Variants in ATP2B2 observed in about 807,000 individuals in gnomAD.
ATP2B2 encodes ATPase plasma membrane Ca2+ transporting 2.
Under a neutral mutation model 120.0 loss-of-function variants are expected in ATP2B2, and 15 were observed. That is an observed-to-expected ratio of 0.12 (90% CI 0.08 to 0.19). The LOEUF (loss-of-function observed/expected upper bound fraction) is 0.19. Ranked by LOEUF, ATP2B2 falls within the 10% of genes least tolerant of loss-of-function variation. The pLI, the probability that ATP2B2 is intolerant of heterozygous loss-of-function variation, is 1.00. For missense variants in ATP2B2, 1,045 were observed against 1,719.8 expected (o/e 0.61, Z 6.94); for synonymous variants, 694 against 700.3 (o/e 0.99, Z 0.14).
At chr3:10,380,094 G>A (rs1377770864) in intron 8 of ATP2B2, among the ~76,000 whole-genome samples, 1 of 152,232 alleles carries the variant, frequency 6.6e-6, no homozygotes, top group Non-Finnish European at 1.5e-5. Flanking sequence ...TACAGCAGCA[G>A]GCTAAGTAGT....
At chr3:10,457,399 T>C (rs1473438756) in intron 1 of ATP2B2, among the ~76,000 whole-genome samples, 1 of 152,060 alleles carries the variant, frequency 6.6e-6, no homozygotes, top group African/African-American at 2.4e-5. Flanking sequence ...AGAAGAAGTG[T>C]GCAAATGCTG....
At chr3:10,361,685 C>T (rs2060904779) in intron 12 of ATP2B2, among the ~76,000 whole-genome samples, 2 of 152,232 alleles carry the variant, frequency 1.3e-5, no homozygotes, top group Admixed American at 1.3e-4. Flanking sequence ...GTGGGTCCCT[C>T]TCCCTTCCCT....
At chr3:10,653,040 C>T (rs1184934556) in intron 1 of ATP2B2, among the ~76,000 whole-genome samples, 1 of 152,140 alleles carries the variant, frequency 6.6e-6, no homozygotes, top group African/African-American at 2.4e-5. Context: ...TATATGAATA[C>T]ACTTGAGACC....
At chr3:10,433,987 T>C (rs1356297294) in intron 2 of ATP2B2, among the ~76,000 whole-genome samples, 1 of 152,168 alleles carries the variant, frequency 6.6e-6, no homozygotes, top group Non-Finnish European at 1.5e-5. Flanking sequence ...TAGGACAGCA[T>C]CTAGCACCAA....
intron 8 of ATP2B2, among the ~76,000 whole-genome samples, chr3:10,380,722 C>T (rs7627223): frequency 6.6e-6 from 1 of 152,178 alleles, no homozygotes; most frequent in East Asian, 1.9e-4. Context: ...GGCACTGCTG[C>T]GACAGGGTTC....
At chr3:10,492,020 G>C (rs2065951800) in intron 1 of ATP2B2, among the ~76,000 whole-genome samples, 1 of 152,222 alleles carries the variant, frequency 6.6e-6, no homozygotes, top group Non-Finnish European at 1.5e-5. Context: ...GGGATGTGAG[G>C]AGAGGAAAAT....
intron 2 of ATP2B2, among the ~76,000 whole-genome samples, chr3:10,427,155 T>G (rs935480147): frequency 1.3e-5 from 2 of 152,208 alleles, no homozygotes; most frequent in Non-Finnish European, 2.9e-5. Flanking sequence ...TCTCATCCCA[T>G]CTTCTCTCTC....
At chr3:10,414,501 C>A (rs77085396) in intron 2 of ATP2B2, among the ~76,000 whole-genome samples, 9,227 of 152,222 alleles carry the variant, frequency 0.061, 574 homozygotes, top group East Asian at 0.29. Context: ...AACTGAAGAA[C>A]CTTGGCCCTT....
Position 10,340,677 on chromosome 3 carries a change from C to A in ATP2B2, c.2945G>T (p.Gly982Val). The A allele has an allele frequency of 6.2e-7, 1 of 1,614,100 alleles. No homozygotes were observed. The highest frequency in any genetic ancestry group is 8.5e-7 in the Non-Finnish European group (1 of 1,179,978). ...VGEKMFQIDS[G>V]RNAPLHSPPS... ...TGGCGAATGCAGGGGCGCGTTCCTC[C>A]CGCTGTCGATCTGGAACATCTTCTC... is the stretch of plus-strand genomic sequence containing the variant. Residue 982 changes from glycine (G) to valine (V), a missense_variant, in exon 20 of 23, where the codon GGG becomes GTG. Physicochemically the swap from Gly to Val is moderately radical, Grantham distance 109. This residue lies in a region of ATP2B2 where 211 missense variants were observed against 385.1 expected (regional missense o/e 0.55). Transcript: ENST00000360273. The surrounding 1 kb of genome is among the most constrained non-coding windows in gnomAD (Gnocchi z 5.0).
At chr3:10,530,144 C>A (rs1438921223) in intron 3 of ATP2B2, among the ~76,000 whole-genome samples, 30 of 152,182 alleles carry the variant, frequency 2.0e-4, no homozygotes, top group Admixed American at 2.0e-3. Context: ...CTGAGAGCGA[C>A]CGACACAGTC....
intron 13 of ATP2B2, 118 bp downstream of exon 13, chr3:10,359,764 C>T (rs1575008321): frequency 6.8e-7 from 1 of 1,479,884 alleles, no homozygotes; most frequent in Non-Finnish European, 9.3e-7. Context: ...ACGGCCACTC[C>T]AGCCGGGCAG....
At chr3:10,412,263 G>A (rs930439613) in intron 2 of ATP2B2, among the ~76,000 whole-genome samples, 15 of 152,212 alleles carry the variant, frequency 9.9e-5, no homozygotes, top group African/African-American at 3.4e-4. Flanking sequence ...AACCCCAGGT[G>A]TATTTGTACC....
intron 1 of ATP2B2, among the ~76,000 whole-genome samples, chr3:10,653,501 T>C (rs887496100): frequency 6.6e-6 from 1 of 152,150 alleles, no homozygotes; most frequent in African/African-American, 2.4e-5. Context: ...CAAGGGGGAA[T>C]TGATCCACTT....
At chr3:10,629,578 T>A (rs1190005368) in intron 1 of ATP2B2, among the ~76,000 whole-genome samples, 1 of 152,148 alleles carries the variant, frequency 6.6e-6, no homozygotes, top group Non-Finnish European at 1.5e-5. Context: ...GCTGTTGTTT[T>A]TCAGAGGCAG....
intron 2 of ATP2B2, among the ~76,000 whole-genome samples, chr3:10,438,315 G>T (rs1014868002): frequency 2.0e-5 from 3 of 152,202 alleles, no homozygotes; most frequent in African/African-American, 7.2e-5. Context: ...ACTCCATTCT[G>T]CTGTTCTTTC....
chr3:10,605,155 CACTA>C (rs1271011267), intron 2 of ATP2B2, among the ~76,000 whole-genome samples: 1 of 152,174 alleles, frequency 6.6e-6, no homozygotes, highest in Non-Finnish European at 1.5e-5. Flanking sequence ...GGGAATAACA[CACTA>C]ACTACTTCAC....
At chr3:10,384,024 T>C (rs2061603648) in intron 8 of ATP2B2, among the ~76,000 whole-genome samples, 1 of 152,110 alleles carries the variant, frequency 6.6e-6, no homozygotes, top group South Asian at 2.1e-4. Context: ...GCATGACACC[T>C]CCCACTCCCC....
chr3:10,488,362 AATCG>A (rs199842067), intron 1 of ATP2B2, among the ~76,000 whole-genome samples: 8 of 43,946 alleles, frequency 1.8e-4, no homozygotes, highest in East Asian at 7.5e-4. Context: ...CTCACCCACA[AATCG>A]ATCCATCCAT....
At chr3:10,581,024 T>C (rs960681176) in intron 2 of ATP2B2, among the ~76,000 whole-genome samples, 6 of 152,230 alleles carry the variant, frequency 3.9e-5, no homozygotes. Flanking sequence ...CATGTATTAT[T>C]TTGTCACATT....
Sources: gnomAD v4.1 joint callset for allele counts (sites outside exome capture counted in the v4.1 genomes callset) on GRCh38, gnomAD v4.1.1 for gene constraint, gnomAD v4.1.1 regional missense constraint, Gnocchi (gnomAD v3.1) non-coding constraint, MANE v1.5 for transcripts, NCBI Gene and HGNC (gene_info 2026-07-23, HGNC 2026-07-21) for gene names.